Variants in MIER3 observed in about 807,000 individuals in gnomAD.
The protein encoded by MIER3 is mesoderm induction early response protein 3.
A neutral mutation model predicts 63.2 loss-of-function variants in MIER3; 9 were observed. The ratio of observed to expected loss-of-function variants is 0.14; its 90% confidence interval spans 0.09 to 0.25. MIER3 has a LOEUF of 0.25. Among genes scored for constraint, MIER3 ranks in the 10% least tolerant of loss-of-function variants. The pLI is 1.00. For synonymous variants in MIER3, 205 were observed against 224.9 expected (o/e 0.91, Z 0.79); for missense variants, 512 against 666.2 (o/e 0.77, Z 2.55).
chr5:56,939,858 A>C (rs1750579906), intron 3 of MIER3, among the ~76,000 whole-genome samples: 1 of 152,228 alleles, frequency 6.6e-6, no homozygotes, highest in Non-Finnish European at 1.5e-5. Context: ...CTGTGGTAGG[A>C]ATAATATGCT....
At chr5:56,930,393 G>T (rs193016489) in intron 9 of MIER3, among the ~76,000 whole-genome samples, 2 of 149,738 alleles carry the variant, frequency 1.3e-5, no homozygotes, top group Non-Finnish European at 3.0e-5. Flanking sequence ...TAATTACTTT[G>T]GACATATTGT....
intron 10 of MIER3, among the ~76,000 whole-genome samples, chr5:56,927,444 G>C (rs572889344): frequency 6.6e-5 from 10 of 152,140 alleles, no homozygotes; most frequent in Non-Finnish European, 1.5e-4. Context: ...ATAAAATACT[G>C]AGCTACCCAC....
intron 4 of MIER3, 76 bp from the exon 5 acceptor site, chr5:56,937,774 C>T: frequency 7.5e-7 from 1 of 1,336,664 alleles, no homozygotes. Flanking sequence ...CTTTTTATAA[C>T]ATATCATTAA....
intron 3 of MIER3, among the ~76,000 whole-genome samples, chr5:56,942,927 G>A (rs745331839): frequency 3.9e-5 from 6 of 152,188 alleles, no homozygotes; most frequent in Non-Finnish European, 4.4e-5. Flanking sequence ...AGGATTGCTC[G>A]AGCCCAGGAG....
intron 3 of MIER3, among the ~76,000 whole-genome samples, chr5:56,946,646 A>G (rs1422072590): frequency 6.6e-6 from 1 of 152,092 alleles, no homozygotes; most frequent in Non-Finnish European, 1.5e-5. Context: ...ATTCAGAAAT[A>G]ATCTTAGGGC....
chr5:56,923,742 G>A lies in MIER3; in HGVS notation c.1144C>T (p.Pro382Ser). The part of the protein sequence containing the change: ...ALTSNRPEPI[P>S]DQQLNILNSF... ...TTGAGAATGTTTAGCTGTTGATCAG[G>A]AATAGGCTCAGGCCGGTTAGAAGTT... Residue 382 changes from proline (P) to serine (S), a missense_variant, in exon 12 of 13, where the codon CCT becomes TCT. Around this residue, in one of 5 missense-constraint regions of MIER3, gnomAD observed 218 missense variants for 251.2 expected, o/e 0.87. Coordinates refer to ENST00000381199, the MANE Select transcript of MIER3 (RefSeq NM_001297599.2). The A allele has an allele frequency of 1.2e-6, 2 of 1,614,184 alleles. No individual in the cohort carries two copies. The highest frequency in any genetic ancestry group is 1.7e-6 in the Non-Finnish European group (2 of 1,180,026).
At chr5:56,936,567 G>A (rs1750454429) in intron 5 of MIER3, among the ~76,000 whole-genome samples, 1 of 152,182 alleles carries the variant, frequency 6.6e-6, no homozygotes, top group Non-Finnish European at 1.5e-5. Flanking sequence ...CTGGAGAGCA[G>A]TAGCCTGTTC....
chr5:56,941,947 T>C (rs370311178), intron 3 of MIER3, among the ~76,000 whole-genome samples: 6 of 152,222 alleles, frequency 3.9e-5, no homozygotes, highest in Non-Finnish European at 7.4e-5. Context: ...AGTTTTCTAT[T>C]TGAGCAATTG....
rs1579830441 is a variant in MIER3, at chr5:56,923,798, G to A, written c.1088C>T (p.Ala363Val). Residue 363 changes from alanine (A) to valine (V), a missense_variant, in exon 12 of 13, where the codon GCT (alanine) becomes GTT (valine). Ala to Val is a moderately conservative substitution (Grantham distance 64). Transcript: ENST00000381199. ...TGAAGCATTTACCGTCCCACCCAAA[G>A]CTTCTGTTTCATCTACTAAACGATC... is the stretch of plus-strand genomic sequence containing the variant. ...YMDRLVDETE[A>V]LGGTVNASAL... 6.2e-7 allele frequency: 1 copy of A among 1,614,154 alleles called. No homozygotes were observed. Among genetic ancestry groups the A allele is most frequent in the Admixed American group, 1.7e-5 (1 of 60,016 alleles).
At chr5:56,943,186 C>A (rs1750710437) in intron 3 of MIER3, among the ~76,000 whole-genome samples, 1 of 151,804 alleles carries the variant, frequency 6.6e-6, no homozygotes, top group African/African-American at 2.4e-5. Flanking sequence ...GTGGAAGAAG[C>A]CAAGCTAAAG....
rs780084628 is a variant in MIER3, at chr5:56,946,980, C to T, written c.126G>A (p.Glu42=). The T allele has an allele frequency of 1.7e-5, 27 of 1,608,538 alleles. No homozygotes were observed. The highest frequency in any genetic ancestry group is 2.2e-5 in the Non-Finnish European group (26 of 1,178,182). ...DYDDERTLEE[E]EMMDEGKNFS... ...AGTTTTTACCCTCATCCATCATTTC[C>T]TCTTCTTCAAGAGTTCTTTCATCAT... Residue 42 remains glutamate (E), a synonymous_variant, in exon 3 of 13, where the codon GAG becomes GAA. Coordinates refer to ENST00000381199, the MANE Select transcript of MIER3 (RefSeq NM_001297599.2).
chr5:56,942,417 G>A (rs759824570), intron 3 of MIER3, among the ~76,000 whole-genome samples: 7 of 152,202 alleles, frequency 4.6e-5, no homozygotes, highest in Non-Finnish European at 1.0e-4. Flanking sequence ...CCTTTCTTGA[G>A]TTACTTGATA....
chr5:56,947,200 A>G, intron 2 of MIER3, 129 bp from the exon 3 acceptor site: 1 of 902,210 alleles, frequency 1.1e-6, no homozygotes, highest in Non-Finnish European at 1.6e-6. Context: ...AATTTACTAT[A>G]TAATTTATAG....
intron 3 of MIER3, among the ~76,000 whole-genome samples, chr5:56,946,428 G>A (rs536763734): frequency 3.0e-4 from 45 of 152,208 alleles, no homozygotes; most frequent in African/African-American, 1.0e-3. Context: ...CCTTTTCAAA[G>A]ATGACTTTTA....
At chr5:56,924,190 T>G in intron 10 of MIER3, 148 bp from the exon 11 acceptor site, 2 of 769,792 alleles carry the variant, frequency 2.6e-6, no homozygotes, top group Non-Finnish European at 3.9e-6. Context: ...TATAAAGTTC[T>G]GAACACTTTG....
Position 56,935,717 on chromosome 5 carries a change from C to G in MIER3, c.471G>C (p.Glu157Asp), listed in dbSNP as rs1750419804. 1.9e-6 allele frequency: 3 copies of G among 1,614,094 alleles called. No homozygotes were observed. The East Asian group carries it at 6.7e-5, about 36-fold the overall frequency. ...CACTGTCTGTTTCAACATCTTCAAC[C>G]TCTGATTCCTTATCACCATCACATG... is the stretch of plus-strand genomic sequence containing the variant. Reference protein sequence around the residue: ...NTACDGDKESEVEDVETDSGN... With the variant: ...NTACDGDKESDVEDVETDSGN... The change falls in exon 6 of 13, where the codon GAG (glutamate) becomes GAC (aspartate). Residue 157 changes from glutamate to aspartate, a missense_variant. Around this residue, in one of 5 missense-constraint regions of MIER3, gnomAD observed 44 missense variants for 87.6 expected, o/e 0.50. Transcript: ENST00000381199.
chr5:56,950,604 A>C lies in MIER3; in HGVS notation c.34+24T>G, dbSNP rs940486085. On this transcript the variant is annotated intron_variant, in intron 2 of 12. Coordinates refer to ENST00000381199, the MANE Select transcript of MIER3 (RefSeq NM_001297599.2). ...CCACATTACCCACTGGGAACCACCG[A>C]AGACGTAAGAAAATAGGACAAACCT... The C allele has an allele frequency of 2.5e-6, 4 of 1,613,698 alleles. No individual in the cohort carries two copies. In the African/African-American group the frequency reaches 4.0e-5, roughly 16 times the overall value.
At chr5:56,935,286 C>T in intron 7 of MIER3, 142 bp downstream of exon 7, 2 of 660,542 alleles carry the variant, frequency 3.0e-6, no homozygotes, top group Non-Finnish European at 5.1e-6. Flanking sequence ...TTTCCTAAGT[C>T]AGGCCTAAAA....
chr5:56,945,395 AGAGGCTGCAGTGAGCC>A (rs1750792825), intron 3 of MIER3, among the ~76,000 whole-genome samples: 2 of 152,106 alleles, frequency 1.3e-5, no homozygotes, highest in African/African-American at 4.8e-5. Flanking sequence ...CCCAGGAGGC[AGAGGCTGCAGTGAGCC>A]GAGATTGTGC....
Sources: allele counts gnomAD v4.1 joint callset (sites outside exome capture counted in the v4.1 genomes callset), GRCh38; gene constraint gnomAD v4.1.1; regional missense constraint gnomAD v4.1.1; transcripts MANE v1.5; gene names NCBI Gene and HGNC (gene_info 2026-07-23, HGNC 2026-07-21).